Variants in EPN2 observed in about 807,000 individuals in gnomAD.
EPN2 encodes epsin 2.
EPN2 carries 34 observed loss-of-function variants against 61.7 expected under a neutral mutation model. The ratio of observed to expected loss-of-function variants is 0.55; its 90% CI spans 0.42 to 0.73. EPN2 has a LOEUF of 0.73. EPN2 is among the 30% of genes least tolerant of loss of function. EPN2 has a pLI of 0.00. For missense variants in EPN2, 714 were observed against 839.2 expected (o/e 0.85, Z 1.84); for synonymous variants, 349 against 353.6 (o/e 0.99, Z 0.15).
intron 1 of EPN2, among the ~76,000 whole-genome samples, chr17:19,245,347 G>A (rs1342733859): frequency 6.6e-6 from 1 of 151,996 alleles, no homozygotes; most frequent in East Asian, 1.9e-4. Context: ...ACACTGGTGT[G>A]GGTACTAAGG....
intron 1 of EPN2, chr17:19,271,732 G>C (rs1386252737): frequency 6.6e-6 from 1 of 152,336 alleles, no homozygotes; most frequent in Non-Finnish European, 1.5e-5. Context: ...CAGGTGGGAA[G>C]GCAGAGGTGA....
chr17:19,312,144 G>A lies in EPN2; in HGVS notation c.972G>A (p.Glu324=), dbSNP rs1906170191. The change falls in exon 6 of 11, where the codon GAG becomes GAA. Residue 324 remains glutamate (E), a splice_region_variant and synonymous_variant. Transcript: ENST00000314728. ...CAGTTAAAATTCCAAAAAAGAAAGA[G>A]GTAAGAGCTTGCTGGGAGGGTAGAT... The part of the protein sequence containing the change: ...RDTVKIPKKK[E]HGSLPQQTTL... 1.2e-6 allele frequency: 2 copies of A among 1,610,408 alleles called. No individual in the cohort carries two copies. The highest frequency in any genetic ancestry group is 1.7e-5 in the Admixed American group (1 of 60,024).
chr17:19,291,148 G>T (rs2045460433), intron 4 of EPN2, among the ~76,000 whole-genome samples: 1 of 152,248 alleles, frequency 6.6e-6, no homozygotes, highest in South Asian at 2.1e-4. Context: ...ACAGAGGTGA[G>T]AAAGAAAAGC....
At chr17:19,325,678 A>T (rs1284299719) in intron 7 of EPN2, among the ~76,000 whole-genome samples, 1 of 152,250 alleles carries the variant, frequency 6.6e-6, no homozygotes, top group Non-Finnish European at 1.5e-5. Flanking sequence ...CAAGACAAGG[A>T]TACCAACTAC....
chr17:19,330,138 C>T lies in EPN2; in HGVS notation c.1411+491C>T, dbSNP rs148461066. Among the ~76,000 whole-genome samples the T allele has an allele frequency of 1.3e-4, 20 of 152,320 alleles. 1 individual carries two copies. Among genetic ancestry groups the T allele is most frequent in the African/African-American group, 4.8e-4 (20 of 41,564 alleles). On this transcript the variant is annotated intron_variant, in intron 9 of 10. Transcript: ENST00000314728. ...GTGTGCCTCTGGGATGGAAGGATAT[C>T]AGGTGGATGCAGTGGGCCAAGTGGC...
chr17:19,311,396 C>T (rs1340540178), intron 5 of EPN2, among the ~76,000 whole-genome samples: 1 of 152,100 alleles, frequency 6.6e-6, no homozygotes, highest in Non-Finnish European at 1.5e-5. Context: ...TCAGTAGTGG[C>T]ATTGTCCCTG....
At chr17:19,290,509 C>A (rs2045452379) in intron 4 of EPN2, among the ~76,000 whole-genome samples, 1 of 152,058 alleles carries the variant, frequency 6.6e-6, no homozygotes, top group South Asian at 2.1e-4. Flanking sequence ...GGGGCCAGAT[C>A]TTCTGCCTTG....
chr17:19,263,002 T>A (rs189397348), intron 1 of EPN2, among the ~76,000 whole-genome samples: 2 of 152,372 alleles, frequency 1.3e-5, no homozygotes, highest in African/African-American at 4.8e-5. Flanking sequence ...CAAAGTTGTT[T>A]CCAGTCTTTG....
At chr17:19,291,326 G>C (rs1029851229) in intron 4 of EPN2, among the ~76,000 whole-genome samples, 1 of 152,150 alleles carries the variant, frequency 6.6e-6, no homozygotes, top group Non-Finnish European at 1.5e-5. Context: ...CCAGGCCTTC[G>C]GGCCATGCCT....
At chr17:19,296,692 C>T (rs1363687951) in intron 4 of EPN2, 2 of 152,342 alleles carry the variant, frequency 1.3e-5, no homozygotes, top group East Asian at 1.9e-4. Flanking sequence ...CATGCAGCCT[C>T]GAACTCCTAG....
chr17:19,332,274 A>G (rs1370026949), intron 10 of EPN2, among the ~76,000 whole-genome samples: 8 of 151,816 alleles, frequency 5.3e-5, no homozygotes, highest in Non-Finnish European at 1.5e-5. Flanking sequence ...TATGGGTAGG[A>G]AATAGCTCCT....
chr17:19,286,974 T>C (rs902407680), intron 4 of EPN2, among the ~76,000 whole-genome samples: 14 of 152,206 alleles, frequency 9.2e-5, no homozygotes, highest in Non-Finnish European at 2.1e-4. Context: ...GAACTCTCCA[T>C]GGAGTTCCCT....
intron 7 of EPN2, among the ~76,000 whole-genome samples, chr17:19,320,935 A>G (rs1004589027): frequency 4.6e-5 from 7 of 152,060 alleles, no homozygotes; most frequent in Admixed American, 1.3e-4. Flanking sequence ...TTAGTGATGG[A>G]GCACACCCTC....
At chr17:19,279,474 T>C (rs1352743302) in intron 1 of EPN2, among the ~76,000 whole-genome samples, 4 of 151,766 alleles carry the variant, frequency 2.6e-5, no homozygotes, top group Non-Finnish European at 5.9e-5. Flanking sequence ...AGTCTCACTG[T>C]GTCACCCAGG....
At chr17:19,311,017 A>G (rs1199674265) in intron 5 of EPN2, among the ~76,000 whole-genome samples, 1 of 152,190 alleles carries the variant, frequency 6.6e-6, no homozygotes, top group Admixed American at 6.5e-5. Context: ...AAAAAGGTAG[A>G]TGGGACCAGG....
chr17:19,321,543 A>G (rs1906636002), intron 7 of EPN2, among the ~76,000 whole-genome samples: 1 of 152,150 alleles, frequency 6.6e-6, no homozygotes, highest in Non-Finnish European at 1.5e-5. Context: ...GAATTCTTCC[A>G]AGGAGAACCA....
chr17:19,244,313 G>C (rs1470417022), intron 1 of EPN2, among the ~76,000 whole-genome samples: 1 of 152,164 alleles, frequency 6.6e-6, no homozygotes, highest in Non-Finnish European at 1.5e-5. Context: ...ACAAAAATGA[G>C]CCAGGTGTGG....
chr17:19,280,690 G>A (rs2045351159), intron 1 of EPN2, among the ~76,000 whole-genome samples: 2 of 152,200 alleles, frequency 1.3e-5, no homozygotes, highest in Admixed American at 1.3e-4. Flanking sequence ...TCACTTAACA[G>A]CAATCAATAC....
chr17:19,268,130 A>G (rs2045218756), intron 1 of EPN2, among the ~76,000 whole-genome samples: 1 of 151,818 alleles, frequency 6.6e-6, no homozygotes. Flanking sequence ...ATACTCAGGC[A>G]CTCATCCCTC....
Sources: allele counts gnomAD v4.1 joint callset (sites outside exome capture counted in the v4.1 genomes callset), GRCh38; gene constraint gnomAD v4.1.1; transcripts MANE v1.5; gene names NCBI Gene and HGNC (gene_info 2026-07-23, HGNC 2026-07-21).